ZNF804B: variants seen among roughly 807,000 people sequenced by gnomAD.
The protein encoded by ZNF804B is zinc finger 804B.
Under a neutral mutation model 101.4 loss-of-function variants are expected in ZNF804B, and 80 were observed. The observed-to-expected ratio is 0.79, with a 90% CI of 0.66 to 0.95. The LOEUF (loss-of-function observed/expected upper bound fraction) is 0.95, where lower values mean the gene tolerates loss of function less well. ZNF804B is among the 40% of genes least tolerant of loss of function. The pLI, the probability that ZNF804B is intolerant of heterozygous loss-of-function variation, is 0.00. For synonymous variants in ZNF804B, 622 were observed against 558.8 expected, an observed-to-expected ratio of 1.11 and a Z score of -1.59; for missense variants, 1,673 against 1,561.9, an observed-to-expected ratio of 1.07 and a Z score of -1.20.
chr7:89,278,144 T>A (rs1454896685), intron 2 of ZNF804B, among the ~76,000 whole-genome samples: 1 of 152,250 alleles, frequency 6.6e-6, no homozygotes. Context: ...TGCATAAATG[T>A]CTTCTTTTCA....
chr7:88,929,217 A>G (rs572836523), intron 1 of ZNF804B, among the ~76,000 whole-genome samples: 204 of 152,066 alleles, frequency 1.3e-3, no homozygotes, highest in African/African-American at 4.8e-3. Context: ...ATTAGTATTA[A>G]AAACGGGGAG....
At chr7:89,287,643 T>C (rs916760434) in intron 2 of ZNF804B, among the ~76,000 whole-genome samples, 1 of 152,088 alleles carries the variant, frequency 6.6e-6, no homozygotes. Flanking sequence ...AACTTTTGAG[T>C]TGCTCACAAA....
intron 1 of ZNF804B, among the ~76,000 whole-genome samples, chr7:88,767,115 C>A (rs534815417): frequency 6.6e-6 from 1 of 152,118 alleles, no homozygotes; most frequent in East Asian, 1.9e-4. Context: ...TTTTGGTTCA[C>A]ACATAAATGT....
At chr7:89,069,321 A>C (rs1448433084) in intron 1 of ZNF804B, among the ~76,000 whole-genome samples, 1 of 152,204 alleles carries the variant, frequency 6.6e-6, no homozygotes, top group Non-Finnish European at 1.5e-5. Context: ...AGGAAAACTC[A>C]TGTACCATTA....
intron 1 of ZNF804B, among the ~76,000 whole-genome samples, chr7:88,872,936 G>A (rs1378827478): frequency 6.6e-6 from 1 of 151,932 alleles, no homozygotes; most frequent in Non-Finnish European, 1.5e-5. Context: ...ATATACGTGT[G>A]CATGTGTCTT....
At chr7:89,295,685 C>G (rs1410531934) in intron 2 of ZNF804B, among the ~76,000 whole-genome samples, 2 of 152,022 alleles carry the variant, frequency 1.3e-5, no homozygotes, top group African/African-American at 4.8e-5. Context: ...TTGAATCGAT[C>G]TCAAGGTCCT....
At chr7:89,250,058 G>A (rs1348683991) in intron 2 of ZNF804B, among the ~76,000 whole-genome samples, 1 of 151,882 alleles carries the variant, frequency 6.6e-6, no homozygotes, top group Non-Finnish European at 1.5e-5. Flanking sequence ...TGTGTTGGCG[G>A]GTGCCTGTAA....
At chr7:89,224,469 C>CT (rs565600221) in intron 2 of ZNF804B, among the ~76,000 whole-genome samples, 15 of 152,074 alleles carry the variant, frequency 9.9e-5, no homozygotes, top group Middle Eastern at 3.4e-3. Context: ...ATCTAATTCC[C>CT]TTTTTTTGTT....
chr7:88,884,305 T>C (rs1792087049), intron 1 of ZNF804B, among the ~76,000 whole-genome samples: 1 of 151,866 alleles, frequency 6.6e-6, no homozygotes. Context: ...GAGGATATTA[T>C]TTAATTTCCT....
At chr7:89,044,475 C>T (rs917748813) in intron 1 of ZNF804B, among the ~76,000 whole-genome samples, 1 of 152,116 alleles carries the variant, frequency 6.6e-6, no homozygotes, top group Non-Finnish European at 1.5e-5. Flanking sequence ...GGGTAACAGG[C>T]AGAGGTTGGA....
intron 3 of ZNF804B, among the ~76,000 whole-genome samples, chr7:89,329,067 T>C (rs994006486): frequency 6.6e-6 from 1 of 151,652 alleles, no homozygotes; most frequent in Non-Finnish European, 1.5e-5. Context: ...TTAAGTTTCT[T>C]TCAAATAAAA....
intron 1 of ZNF804B, among the ~76,000 whole-genome samples, chr7:88,792,215 A>T (rs116268498): frequency 0.03 from 4,633 of 152,128 alleles, 222 homozygotes; most frequent in African/African-American, 0.094. Context: ...ATTCAAGGGG[A>T]GAGAGTTAGA....
At chr7:89,191,280 T>G (rs1562910276) in intron 1 of ZNF804B, among the ~76,000 whole-genome samples, 1 of 152,104 alleles carries the variant, frequency 6.6e-6, no homozygotes. Flanking sequence ...AATTATAAAA[T>G]AAATATTTGT....
At chr7:89,168,682 CTTTTTTTT>C (rs372503661) in intron 1 of ZNF804B, among the ~76,000 whole-genome samples, 24 of 115,786 alleles carry the variant, frequency 2.1e-4, no homozygotes, top group African/African-American at 6.9e-4. Flanking sequence ...GAGCTGAATA[CTTTTTTTT>C]TTTTTTTTTT....
At chr7:89,068,649 T>C (rs1789490676) in intron 1 of ZNF804B, among the ~76,000 whole-genome samples, 3 of 152,232 alleles carry the variant, frequency 2.0e-5, no homozygotes, top group African/African-American at 7.2e-5. Flanking sequence ...GATGCTATAG[T>C]ACTGGCGCAT....
intron 1 of ZNF804B, among the ~76,000 whole-genome samples, chr7:89,180,064 T>C (rs1249743814): frequency 6.6e-6 from 1 of 152,160 alleles, no homozygotes; most frequent in East Asian, 1.9e-4. Flanking sequence ...CAGGAGTCCC[T>C]GTGTCCACCA....
At chr7:89,184,955 TAGAC>T (rs1370193882) in intron 1 of ZNF804B, among the ~76,000 whole-genome samples, 1 of 152,164 alleles carries the variant, frequency 6.6e-6, no homozygotes, top group Non-Finnish European at 1.5e-5. Context: ...TGACTTGGCT[TAGAC>T]AGGTCTTAAG....
chr7:88,777,216 C>G (rs1171951691), intron 1 of ZNF804B, among the ~76,000 whole-genome samples: 2 of 152,202 alleles, frequency 1.3e-5, no homozygotes, highest in Admixed American at 1.3e-4. Context: ...CATAATGATG[C>G]TGGTATTGCA....
intron 1 of ZNF804B, among the ~76,000 whole-genome samples, chr7:88,876,570 C>G (rs763135818): frequency 4.6e-5 from 7 of 152,142 alleles, no homozygotes; most frequent in Non-Finnish European, 7.4e-5. Context: ...AATGAGTTCT[C>G]TGACCACTAG....
Sources: allele counts gnomAD v4.1 joint callset (sites outside exome capture counted in the v4.1 genomes callset), GRCh38; gene constraint gnomAD v4.1.1; transcripts MANE v1.5; gene names NCBI Gene and HGNC (gene_info 2026-07-23, HGNC 2026-07-21).